The following LPL variants were observed in gnomAD, a reference collection of about 807,000 sequenced individuals.
The protein encoded by LPL is lipoprotein lipase, also known as phospholipase A1.
LPL carries 43 observed loss-of-function variants against 52.2 expected under a neutral mutation model. The ratio of observed to expected loss-of-function variants is 0.82; its 90% CI spans 0.64 to 1.06. The LOEUF (loss-of-function observed/expected upper bound fraction) is 1.06. Among genes scored for constraint, LPL ranks in the 50% least tolerant of loss-of-function variants. The probability of loss-of-function intolerance (pLI) is 0.00; values close to 1 mark genes in which losing one functional copy is unlikely to be tolerated. For synonymous variants in LPL, 244 were observed against 215.6 expected, an observed-to-expected ratio of 1.13 and a Z score of -1.15; for missense variants, 639 against 585.3, an observed-to-expected ratio of 1.09 and a Z score of -0.95.
At chr8:19,957,024 G>T (rs1413067127) in intron 6 of LPL, among the ~76,000 whole-genome samples, 1 of 152,024 alleles carries the variant, frequency 6.6e-6, no homozygotes, top group African/African-American at 2.4e-5. Flanking sequence ...GGGTTTCACC[G>T]TGTTGACCAG....
chr8:19,939,392 C>T lies in LPL; in HGVS notation c.-49C>T, dbSNP rs886062786. On this transcript the variant is annotated 5_prime_UTR_variant, in exon 1 of 10. Coordinates refer to ENST00000650287, the MANE Select transcript of LPL (RefSeq NM_000237.3). This position sits in a 1 kb window ranked among gnomAD's most constrained non-coding sequence, Gnocchi z 4.0. ...TCTCCAGCCTCCGGCTCAGCCGGCT[C>T]ATCAGTCGGTCCGCGCCTTGCAGCT... 5.8e-6 allele frequency: 9 copies of T among 1,550,082 alleles called. No individual in the cohort carries two copies. The highest frequency in any genetic ancestry group is 7.9e-6 in the Non-Finnish European group (9 of 1,142,540).
intron 6 of LPL, 119 bp from the exon 7 acceptor site, chr8:19,959,141 T>C (rs2070014396): frequency 2.5e-6 from 3 of 1,212,402 alleles, no homozygotes; most frequent in South Asian, 2.5e-5. Flanking sequence ...GTTCCATGTG[T>C]GTGCACTTCC....
rs1372264561 is a variant in LPL, at chr8:19,956,083, G to A, written c.1018G>A (p.Val340Ile). The change falls in exon 6 of 10, where the codon GTC (valine) becomes ATC (isoleucine). Residue 340 changes from valine (V) to isoleucine (I), a missense_variant and splice_region_variant. Coordinates refer to ENST00000650287, the MANE Select transcript of LPL (RefSeq NM_000237.3). Reference sequence around the variant, plus strand: ...GACTCGTTCTCAGATGCCCTACAAAGGTAGGCTGGAGACTGTTGTAAATAA... The same window carrying A: ...GACTCGTTCTCAGATGCCCTACAAAAGTAGGCTGGAGACTGTTGTAAATAA... Reference protein sequence around the residue: ...LKTRSQMPYKVFHYQVKIHFS... With the variant: ...LKTRSQMPYKIFHYQVKIHFS... The A allele has an allele frequency of 2.7e-5, 44 of 1,613,972 alleles. No individual in the cohort carries two copies. The highest frequency in any genetic ancestry group is 3.6e-5 in the Non-Finnish European group (43 of 1,180,028).
intron 1 of LPL, among the ~76,000 whole-genome samples, chr8:19,947,821 A>G (rs1164212396): frequency 6.6e-6 from 1 of 152,118 alleles, no homozygotes; most frequent in Non-Finnish European, 1.5e-5. Flanking sequence ...CAAGTCACTT[A>G]AATTCATGTC....
intron 1 of LPL, among the ~76,000 whole-genome samples, chr8:19,946,201 T>C (rs987587963): frequency 6.6e-6 from 1 of 152,188 alleles, no homozygotes; most frequent in Non-Finnish European, 1.5e-5. Flanking sequence ...AAAAGAGCTT[T>C]AAAGATCAAT....
chr8:19,953,327 T>C lies in LPL; in HGVS notation c.447T>C (p.Pro149=). Residue 149 remains proline, a synonymous_variant, in exon 4 of 10, where the codon CCT becomes CCC. Transcript: ENST00000650287. ...TTCCAAAGGAGGAGTTTAACTACCC[T>C]CTGGACAATGTCCATCTCTTGGGAT... ...INWMEEEFNY[P]LDNVHLLGYS... 1 of 1,612,920 alleles carries C rather than the reference T, an allele frequency of 6.2e-7. No individual in the cohort carries two copies. The highest frequency in any genetic ancestry group is 2.2e-5 in the East Asian group (1 of 44,876).
chr8:19,948,353 C>T lies in LPL; in HGVS notation c.249+13C>T, dbSNP rs201080198. On this transcript the variant is annotated intron_variant, in intron 2 of 9. Transcript: ENST00000650287. ...CCATGGCTGGACGGTAAGGGAGGCT[C>T]TTTGGGGAAGAGTGGATTGGGGTGG... 6.2e-7 allele frequency: 1 copy of T among 1,613,578 alleles called. No individual in the cohort carries two copies. The highest frequency in any genetic ancestry group is 2.2e-5 in the East Asian group (1 of 44,860).
intron 1 of LPL, among the ~76,000 whole-genome samples, 197 bp from the exon 2 acceptor site, chr8:19,947,983 T>G (rs2069897691): frequency 6.6e-6 from 1 of 152,102 alleles, no homozygotes; most frequent in Non-Finnish European, 1.5e-5. Flanking sequence ...TAATTCAGAG[T>G]TAAGGTTGTC....
At chr8:19,952,019 C>A in intron 3 of LPL, 71 bp downstream of exon 3, 1 of 1,520,594 alleles carries the variant, frequency 6.6e-7, no homozygotes. Context: ...ACCGGCTGTT[C>A]TTTCTTCCTT....
At chr8:19,956,170 G>A in intron 6 of LPL, 87 bp downstream of exon 6, 1 of 1,560,914 alleles carries the variant, frequency 6.4e-7, no homozygotes, top group African/African-American at 1.4e-5. Flanking sequence ...TCTGTCCATT[G>A]GAACAGAGAT....
chr8:19,939,404 C>T lies in LPL; in HGVS notation c.-37C>T, dbSNP rs866368940. On this transcript the variant is annotated 5_prime_UTR_variant, in exon 1 of 10. Transcript: ENST00000650287. This position sits in a 1 kb window ranked among gnomAD's most constrained non-coding sequence, Gnocchi z 4.0. ...GGCTCAGCCGGCTCATCAGTCGGTC[C>T]GCGCCTTGCAGCTCCTCCAGAGGGA... 6.4e-7 allele frequency: 1 copy of T among 1,572,014 alleles called. No homozygotes were observed. The highest frequency in any genetic ancestry group is 8.6e-7 in the Non-Finnish European group (1 of 1,158,190).
In LPL at chr8:19,939,378, C is replaced by A. The variant is rs182193170; in HGVS notation, c.-63C>A. The A allele has an allele frequency of 2.8e-5, 42 of 1,514,226 alleles. No homozygotes were observed. In the African/African-American group the frequency reaches 4.4e-4, roughly 16 times the overall value. The allele number at this position is 1,514,226 out of a possible 1,614,324, so 93.8% of individuals were successfully genotyped here. A position where few individuals can be genotyped will look rare whatever the true frequency, so the allele number is the denominator to read the frequency against. On this transcript the variant is annotated 5_prime_UTR_variant, in exon 1 of 10. Coordinates refer to ENST00000650287, the MANE Select transcript of LPL (RefSeq NM_000237.3). The surrounding 1 kb of genome is among the most constrained non-coding windows in gnomAD (Gnocchi z 4.0). ...CGCGGCTCCAGCCCTCTCCAGCCTC[C>A]GGCTCAGCCGGCTCATCAGTCGGTC...
rs1246231064 is a variant in LPL, at chr8:19,961,015, A to G, written c.1254A>G (p.Ser418=). Residue 418 remains serine (S), a synonymous_variant, in exon 8 of 10, where the codon TCA becomes TCG. Transcript: ENST00000650287. Reference sequence around the variant, plus strand: ...AGAGTGATTCATACTTTAGCTGGTCAGACTGGTGGAGCAGTCCCGGCTTCG... The same window carrying G: ...AGAGTGATTCATACTTTAGCTGGTCGGACTGGTGGAGCAGTCCCGGCTTCG... ...KWKSDSYFSW[S]DWWSSPGFAI... 1 of 1,614,082 alleles carries G rather than the reference A, an allele frequency of 6.2e-7. No homozygotes were observed. Among genetic ancestry groups the G allele is most frequent in the Non-Finnish European group, 8.5e-7 (1 of 1,180,034 alleles).
chr8:19,963,515 C>A (rs2070058639), intron 9 of LPL, among the ~76,000 whole-genome samples: 1 of 150,776 alleles, frequency 6.6e-6, no homozygotes, highest in African/African-American at 2.4e-5. Flanking sequence ...TTAAATTCTA[C>A]TTTATAATAG....
intron 8 of LPL, among the ~76,000 whole-genome samples, chr8:19,961,321 C>G (rs1253136569): frequency 2.0e-5 from 3 of 151,888 alleles, no homozygotes; most frequent in Non-Finnish European, 4.4e-5. Context: ...CCCTGAATCG[C>G]TCACAGTTAT....
In LPL at chr8:19,944,441, G is replaced by A. The variant is rs1301974527; in HGVS notation, c.89-3739G>A. On this transcript the variant is annotated intron_variant, in intron 1 of 9. Coordinates refer to ENST00000650287, the MANE Select transcript of LPL (RefSeq NM_000237.3). This position sits in a 1 kb window ranked among gnomAD's most constrained non-coding sequence, Gnocchi z 4.2. ...TACTGAGGAAGCCCTGTAGGAGTGAGAGAAAAGGGGGGAGAGAGAGAGAAA... is the reference window on the plus strand; with the variant it reads ...TACTGAGGAAGCCCTGTAGGAGTGAAAGAAAAGGGGGGAGAGAGAGAGAAA... 7.0e-6 allele frequency among the ~76,000 whole-genome samples: 1 copy of A among 142,378 alleles called. No homozygotes were observed. The highest frequency in any genetic ancestry group is 1.5e-5 in the Non-Finnish European group (1 of 65,556). 93.4% of individuals were successfully genotyped at this position (142,378 alleles called of 152,430 possible). A position where few individuals can be genotyped will look rare whatever the true frequency, so the allele number is the denominator to read the frequency against.
Position 19,965,319 on chromosome 8 carries a change from G to A in LPL, c.*9G>A, listed in dbSNP as rs4922115. On this transcript the variant is annotated 3_prime_UTR_variant, in exon 10 of 10. Transcript: ENST00000650287. ...CTGTGCTTTTTCTCAGAAACTGGGC[G>A]AATCTACAGAACAAAGAACGGCATG... is the stretch of plus-strand genomic sequence containing the variant. 114,363 of 779,480 alleles carry A rather than the reference G, an allele frequency of 0.15. 8,873 individuals carry two copies. The highest frequency in any genetic ancestry group is 0.17 in the Middle Eastern group (757 of 4,440). The allele number at this position is 779,480 out of a possible 1,614,324, so 48.3% of individuals were successfully genotyped here.
intron 7 of LPL, among the ~76,000 whole-genome samples, chr8:19,960,070 T>G (rs2070024261): frequency 6.6e-6 from 1 of 151,848 alleles, no homozygotes; most frequent in Non-Finnish European, 1.5e-5. Context: ...ATTACAGGTG[T>G]GAGCCACCAT....
At chr8:19,947,147 G>C (rs190765142) in intron 1 of LPL, among the ~76,000 whole-genome samples, 5 of 152,158 alleles carry the variant, frequency 3.3e-5, no homozygotes, top group African/African-American at 9.7e-5. Context: ...AGTGGGAACA[G>C]TTTCATACAA....
Sources: allele counts gnomAD v4.1 joint callset (sites outside exome capture counted in the v4.1 genomes callset), GRCh38; gene constraint gnomAD v4.1.1; non-coding constraint Gnocchi (gnomAD v3.1); transcripts MANE v1.5; gene names NCBI Gene and HGNC (gene_info 2026-07-23, HGNC 2026-07-21).